SORBS2: variants seen among roughly 807,000 people sequenced by gnomAD.
SORBS2 encodes the protein sorbin and SH3 domain containing 2.
A neutral mutation model predicts 97.7 loss-of-function variants in SORBS2; 46 were observed. The ratio of observed to expected loss-of-function variants is 0.47; its 90% confidence interval spans 0.37 to 0.60. The LOEUF (loss-of-function observed/expected upper bound fraction) is 0.60. Among genes scored for constraint, SORBS2 ranks in the 20% least tolerant of loss-of-function variants. The pLI, the probability that SORBS2 is intolerant of heterozygous loss-of-function variation, is 0.00. For missense variants in SORBS2, 1,316 were observed against 1,282.3 expected, an observed-to-expected ratio of 1.03 and a Z score of -0.40; for synonymous variants, 476 against 473.4, an observed-to-expected ratio of 1.01 and a Z score of -0.07.
At chr4:185,772,638 C>T (rs2098978123) in intron 2 of SORBS2, 1 of 152,206 alleles carries the variant, frequency 6.6e-6, no homozygotes, top group African/African-American at 2.4e-5. Context: ...ACGCAGACCT[C>T]TATCTGCCAG....
chr4:185,874,866 T>TTTTTTTTTTTTTTTTTTTTTTTGC (rs775209042), intron 1 of SORBS2, among the ~76,000 whole-genome samples: 6 of 113,484 alleles, frequency 5.3e-5, no homozygotes, highest in African/African-American at 8.5e-5. Flanking sequence ...TGATTTTTTT[T>TTTTTTTTTTTTTTTTTTTTTTTGC]TTTTTTGCAT....
intron 1 of SORBS2, among the ~76,000 whole-genome samples, chr4:185,806,011 T>C (rs2099151873): frequency 6.6e-6 from 1 of 152,248 alleles, no homozygotes; most frequent in African/African-American, 2.4e-5. Context: ...CTTAAACTTT[T>C]GTTGTTTAGT....
intron 13 of SORBS2, chr4:185,593,655 T>A: frequency 2.0e-6 from 1 of 507,756 alleles, no homozygotes; most frequent in Middle Eastern, 4.7e-4. Context: ...TTGGGAAGTT[T>A]TCCTAGTGTG....
At chr4:185,587,725 A>G (rs371806934) in intron 14 of SORBS2, 37 bp from the exon 27 acceptor site, 1 of 1,507,348 alleles carries the variant, frequency 6.6e-7, no homozygotes, top group Non-Finnish European at 9.2e-7. Flanking sequence ...GGGGGTGACA[A>G]CGATATCAGT....
At chr4:185,731,416 C>T (rs1393375775) in intron 2 of SORBS2, among the ~76,000 whole-genome samples, 4 of 151,886 alleles carry the variant, frequency 2.6e-5, no homozygotes, top group Non-Finnish European at 5.9e-5. Context: ...GATGCAATAA[C>T]CAAGCACTGG....
intron 12 of SORBS2, among the ~76,000 whole-genome samples, chr4:185,599,780 A>G (rs962125878): frequency 2.0e-5 from 3 of 152,198 alleles, no homozygotes; most frequent in Non-Finnish European, 4.4e-5. Flanking sequence ...GAAACCTCAC[A>G]CACACCTAAA....
intron 1 of SORBS2, among the ~76,000 whole-genome samples, chr4:185,797,239 A>G (rs894666035): frequency 1.3e-5 from 2 of 152,218 alleles, no homozygotes; most frequent in African/African-American, 4.8e-5. Flanking sequence ...GACACAGAGC[A>G]GGGCTTGACT....
At chr4:185,936,781 C>T (rs1450505991) in intron 1 of SORBS2, among the ~76,000 whole-genome samples, 1 of 152,158 alleles carries the variant, frequency 6.6e-6, no homozygotes, top group African/African-American at 2.4e-5. Context: ...TTTCCGTCTG[C>T]TTCTAAGACT....
intron 2 of SORBS2, among the ~76,000 whole-genome samples, chr4:185,770,598 T>C (rs932130567): frequency 6.6e-6 from 1 of 152,220 alleles, no homozygotes; most frequent in Non-Finnish European, 1.5e-5. Flanking sequence ...CTGTTTAATC[T>C]GCTTATGATA....
chr4:185,706,148 A>G (rs2098338577), intron 2 of SORBS2, among the ~76,000 whole-genome samples: 1 of 152,232 alleles, frequency 6.6e-6, no homozygotes, highest in Admixed American at 6.5e-5. Flanking sequence ...TGATTTAATC[A>G]ATCAATTCTA....
At chr4:185,888,332 G>A (rs960806345) in intron 1 of SORBS2, among the ~76,000 whole-genome samples, 2 of 152,090 alleles carry the variant, frequency 1.3e-5, no homozygotes, top group East Asian at 1.9e-4. Flanking sequence ...GTGGTGGGGG[G>A]TTGGAGAGAG....
At chr4:185,937,187 G>T (rs2099269351) in intron 1 of SORBS2, among the ~76,000 whole-genome samples, 1 of 152,156 alleles carries the variant, frequency 6.6e-6, no homozygotes, top group Non-Finnish European at 1.5e-5. Flanking sequence ...GAGTGAGTGA[G>T]TGAGTGAGTG....
At chr4:185,660,498 AG>A (rs1218431330), upstream of SORBS2, among the ~76,000 whole-genome samples, 2 of 152,222 alleles carry the variant, frequency 1.3e-5, no homozygotes, top group African/African-American at 4.8e-5. Context: ...GATGATCCTC[AG>A]GCATAGCATC....
intron 12 of SORBS2, among the ~76,000 whole-genome samples, chr4:185,600,842 G>A (rs969800314): frequency 6.6e-5 from 10 of 151,924 alleles, no homozygotes; most frequent in African/African-American, 1.7e-4. Flanking sequence ...AGGCCTTTTT[G>A]GGGGGAAACA....
intron 5 of SORBS2, among the ~76,000 whole-genome samples, chr4:185,628,223 A>G (rs2096850048): frequency 6.6e-6 from 1 of 152,098 alleles, no homozygotes; most frequent in African/African-American, 2.4e-5. Flanking sequence ...TAATATGTTG[A>G]TTGAGAATTC....
chr4:185,593,411 G>A (rs904665576), intron 13 of SORBS2: 1 of 154,202 alleles, frequency 6.5e-6, no homozygotes, highest in Non-Finnish European at 1.4e-5. Flanking sequence ...GAATAACAGT[G>A]AGTGTTTTAA....
intron 2 of SORBS2, among the ~76,000 whole-genome samples, chr4:185,726,065 G>A: frequency 6.6e-6 from 1 of 152,146 alleles, no homozygotes; most frequent in East Asian, 1.9e-4. Context: ...CTGGGTAGTA[G>A]GAGTGTCAGG....
chr4:185,894,477 TAC>T (rs1204276879), intron 1 of SORBS2: 1 of 152,206 alleles, frequency 6.6e-6, no homozygotes, highest in Admixed American at 6.5e-5. Context: ...TTTTCAGTTT[TAC>T]AGACATAATC....
rs1383147993 is a variant in SORBS2, at chr4:185,877,868, AAAAAAC to A, written c.-338+78322_-338+78327del. Reference sequence around the variant, plus strand: ...CTGGGTGACAGAGTGAGACTCTGTCAAAAAACAAAAAAAAAAAAGAAAGAAAGAAGA... The same window carrying A: ...CTGGGTGACAGAGTGAGACTCTGTCAAAAAAAAAAAAAGAAAGAAAGAAGA... On this transcript the variant is annotated intron_variant, in intron 1 of 20. Transcript: ENST00000284776. Among the ~76,000 whole-genome samples, 36 of 80,876 alleles carry A rather than the reference AAAAAAC, an allele frequency of 4.5e-4. 1 individual carries two copies. Among genetic ancestry groups the A allele is most frequent in the Non-Finnish European group, 8.0e-4 (32 of 39,886 alleles). The allele number at this position is 80,876 out of a possible 152,430, so 53.1% of individuals were successfully genotyped here. A position where few individuals can be genotyped will look rare whatever the true frequency, so the allele number is the denominator to read the frequency against.
Sources: allele counts gnomAD v4.1 joint callset (sites outside exome capture counted in the v4.1 genomes callset), GRCh38; gene constraint gnomAD v4.1.1; transcripts MANE v1.5; gene names NCBI Gene and HGNC (gene_info 2026-07-23, HGNC 2026-07-21).